CLIC5: variants seen among roughly 807,000 people sequenced by gnomAD.
The protein encoded by CLIC5 is chloride intracellular channel protein 5.
Under a neutral mutation model 24.7 loss-of-function variants are expected in CLIC5, and 20 were observed. The ratio of observed to expected loss-of-function variants is 0.81; its 90% CI spans 0.57 to 1.18. CLIC5 has a LOEUF of 1.18. CLIC5 is among the 50% of genes most tolerant of loss of function. CLIC5 has a pLI of 0.00. For missense variants in CLIC5, 341 were observed against 326.1 expected (o/e 1.05, Z -0.35); for synonymous variants, 159 against 135.6 (o/e 1.17, Z -1.20).
At chr6:45,976,355 G>C (rs920489012) in intron 1 of CLIC5, among the ~76,000 whole-genome samples, 1 of 151,942 alleles carries the variant, frequency 6.6e-6, no homozygotes, top group Non-Finnish European at 1.5e-5. Flanking sequence ...TTCTTTCTTT[G>C]TTAAATGTGT....
intron 1 of CLIC5, among the ~76,000 whole-genome samples, chr6:46,006,935 G>A (rs1766608221): frequency 6.6e-6 from 1 of 152,092 alleles, no homozygotes; most frequent in Admixed American, 6.5e-5. Context: ...GCCTCCCAAA[G>A]TGCTGAGATT....
intron 1 of CLIC5, among the ~76,000 whole-genome samples, chr6:45,974,097 T>A (rs1363012773): frequency 6.6e-6 from 1 of 152,138 alleles, no homozygotes; most frequent in Non-Finnish European, 1.5e-5. Flanking sequence ...GTGATCCCTT[T>A]TTGTATTTAA....
At chr6:46,007,893 T>C (rs953424423) in intron 1 of CLIC5, among the ~76,000 whole-genome samples, 1 of 149,888 alleles carries the variant, frequency 6.7e-6, no homozygotes, top group Admixed American at 6.7e-5. Flanking sequence ...TTTGTTTGTT[T>C]TTTCCTGTTT....
Position 45,902,687 on chromosome 6 carries a change from C to A in CLIC5, c.*401G>T. The A allele has an allele frequency of 5.3e-6, 1 of 189,526 alleles. No homozygotes were observed. Among genetic ancestry groups the A allele is most frequent in the Non-Finnish European group, 1.1e-5 (1 of 90,350 alleles). The allele number at this position is 189,526 out of a possible 1,614,324, so 11.7% of individuals were successfully genotyped here. On this transcript the variant is annotated 3_prime_UTR_variant, in exon 6 of 6. Transcript: ENST00000339561. ...GATGAAGATGGCGTTTGTCCTTGGCCTTGTAGGTATGGACGGAGAGGAGGG... is the reference window on the plus strand; with the variant it reads ...GATGAAGATGGCGTTTGTCCTTGGCATTGTAGGTATGGACGGAGAGGAGGG...
chr6:45,955,088 C>G, intron 2 of CLIC5, 47 bp downstream of exon 2: 1 of 1,423,960 alleles, frequency 7.0e-7, no homozygotes, highest in Non-Finnish European at 9.9e-7. Context: ...GGAAGGTTCT[C>G]TGTTCATGCA....
At chr6:46,005,980 G>GTATATA (rs35395134) in intron 1 of CLIC5, among the ~76,000 whole-genome samples, 9 of 117,694 alleles carry the variant, frequency 7.6e-5, no homozygotes, top group Admixed American at 5.5e-4. Flanking sequence ...GCCTATGTGT[G>GTATATA]TATATATATA....
chr6:46,043,191 G>A (rs1222742497), intron 1 of CLIC5, among the ~76,000 whole-genome samples: 1 of 152,158 alleles, frequency 6.6e-6, no homozygotes, highest in Non-Finnish European at 1.5e-5. Flanking sequence ...TGATAATGAT[G>A]TACAGTTATT....
At position 45,962,391 on chromosome 6, in the gene CLIC5, G is replaced by C. The variant is rs79624807; in HGVS notation, c.64-7147C>G. ...GCAGAATTCCCATTTCTTCAGAGGAGGGGGTCAGTCTTTTTTTCTATGAGG... is the reference window on the plus strand; with the variant it reads ...GCAGAATTCCCATTTCTTCAGAGGACGGGGTCAGTCTTTTTTTCTATGAGG... On this transcript the variant is annotated intron_variant, in intron 1 of 5. Coordinates refer to ENST00000339561, the MANE Select transcript of CLIC5 (RefSeq NM_016929.5). Among the ~76,000 whole-genome samples the C allele has an allele frequency of 6.5e-3, 985 of 151,410 alleles. 14 individuals carry two copies. The highest frequency in any genetic ancestry group is 0.022 in the African/African-American group (914 of 41,238).
At chr6:45,981,074 G>A (rs943854000) in intron 1 of CLIC5, among the ~76,000 whole-genome samples, 6 of 152,090 alleles carry the variant, frequency 3.9e-5, no homozygotes, top group African/African-American at 7.2e-5. Context: ...GGGCTCAAGC[G>A]ATCTTCCCAC....
At chr6:45,934,949 A>T (rs1327928259) in intron 4 of CLIC5, among the ~76,000 whole-genome samples, 1 of 152,244 alleles carries the variant, frequency 6.6e-6, no homozygotes, top group Non-Finnish European at 1.5e-5. Flanking sequence ...GCCATATGCG[A>T]TGGGGACAGA....
At chr6:46,123,544 A>C in the CLIC5 span, among the ~76,000 whole-genome samples, 2 of 152,196 alleles carry the variant, frequency 1.3e-5, no homozygotes, top group Non-Finnish European at 2.9e-5. Context: ...GCCCTCTCTC[A>C]CCACTCCTAT....
chr6:46,080,970 C>T (rs894972655), upstream of CLIC5, among the ~76,000 whole-genome samples: 2 of 152,156 alleles, frequency 1.3e-5, no homozygotes, highest in Non-Finnish European at 2.9e-5. Flanking sequence ...GCATGATCAT[C>T]ACCATCAACA....
chr6:46,049,797 G>A (rs917119799), intron 1 of CLIC5, among the ~76,000 whole-genome samples: 5 of 152,194 alleles, frequency 3.3e-5, no homozygotes, highest in African/African-American at 1.2e-4. Flanking sequence ...GAAAGCTCGA[G>A]ACATAGCAAT....
chr6:45,994,547 A>G (rs533301251), intron 1 of CLIC5, among the ~76,000 whole-genome samples: 1 of 152,222 alleles, frequency 6.6e-6, no homozygotes, highest in Admixed American at 6.5e-5. Flanking sequence ...GCAGCAAACC[A>G]CCATGGCACA....
chr6:45,939,009 C>T (rs893405480), intron 4 of CLIC5, among the ~76,000 whole-genome samples: 1 of 152,086 alleles, frequency 6.6e-6, no homozygotes, highest in East Asian at 1.9e-4. Flanking sequence ...AGGACTGTTA[C>T]AACAAAGTAC....
At chr6:46,071,732 C>G (rs1006765607) in intron 1 of CLIC5, among the ~76,000 whole-genome samples, 1 of 152,114 alleles carries the variant, frequency 6.6e-6, no homozygotes, top group Non-Finnish European at 1.5e-5. Context: ...AATCTCATTA[C>G]TGGGTATATA....
In CLIC5 at chr6:46,013,274, A is replaced by G. The variant is rs376454564; in HGVS notation, c.63+2206T>C. 1.4e-3 allele frequency among the ~76,000 whole-genome samples: 218 copies of G among 152,356 alleles called. 10 individuals are homozygous for G. In the South Asian group the frequency reaches 0.041, roughly 29 times the overall value. On this transcript the variant is annotated intron_variant, in intron 1 of 5. Transcript: ENST00000339561. The stretch of plus-strand genomic sequence containing the variant: ...CATCAACAAGAAGGCCTTTCTTTTT[A>G]TGGGGAATCATGTACCTCAGAGAAA...
upstream of CLIC5, among the ~76,000 whole-genome samples, chr6:46,085,132 T>C (rs1388866344): frequency 6.6e-6 from 1 of 152,254 alleles, no homozygotes; most frequent in Non-Finnish European, 1.5e-5. Context: ...CATCAGCTCC[T>C]TTAAGCACTT....
intron 1 of CLIC5, among the ~76,000 whole-genome samples, chr6:46,062,196 T>C (rs991886340): frequency 6.6e-6 from 1 of 152,246 alleles, no homozygotes; most frequent in Non-Finnish European, 1.5e-5. Flanking sequence ...TATAGAGAGC[T>C]GCTATTGTAA....
Sources: gnomAD v4.1 joint callset for allele counts (sites outside exome capture counted in the v4.1 genomes callset) on GRCh38, gnomAD v4.1.1 for gene constraint, MANE v1.5 for transcripts, NCBI Gene and HGNC (gene_info 2026-07-23, HGNC 2026-07-21) for gene names.